The following CDH4 variants were observed in gnomAD, a reference collection of about 807,000 sequenced individuals.
CDH4 encodes cadherin-4.
A neutral mutation model predicts 86.0 loss-of-function variants in CDH4; 33 were observed. That is an observed-to-expected ratio of 0.38 (90% CI 0.29 to 0.51). The LOEUF (loss-of-function observed/expected upper bound fraction) is 0.51, where lower values mean the gene tolerates loss of function less well. Among genes scored for constraint, CDH4 ranks in the 20% least tolerant of loss-of-function variants. The pLI is 0.86. For missense variants in CDH4, 1,114 were observed against 1,307.4 expected (o/e 0.85, Z 2.28); for synonymous variants, 555 against 549.4 (o/e 1.01, Z -0.14).
At chr20:61,777,610 G>T (rs1568809728) in intron 4 of CDH4, among the ~76,000 whole-genome samples, 1 of 151,928 alleles carries the variant, frequency 6.6e-6, no homozygotes, top group Non-Finnish European at 1.5e-5. Flanking sequence ...ACATCCACAT[G>T]CGCACACACG....
intron 2 of CDH4, among the ~76,000 whole-genome samples, chr20:61,423,753 T>C (rs1368629057): frequency 6.6e-6 from 1 of 152,160 alleles, no homozygotes; most frequent in African/African-American, 2.4e-5. Flanking sequence ...CCTCAGGTCC[T>C]AATGAAAGGC....
intron 4 of CDH4, among the ~76,000 whole-genome samples, chr20:61,783,051 C>T (rs7273262): frequency 0.026 from 3,907 of 152,288 alleles, 166 homozygotes; most frequent in African/African-American, 0.088. Context: ...TGCCACTGTA[C>T]TCCAGTCTGG....
At chr20:61,457,390 A>G (rs1179826759) in intron 2 of CDH4, among the ~76,000 whole-genome samples, 1 of 152,236 alleles carries the variant, frequency 6.6e-6, no homozygotes, top group East Asian at 1.9e-4. Context: ...AGATGTGAAC[A>G]GGATATAGAG....
At chr20:61,324,339 G>A (rs80212015) in intron 2 of CDH4, among the ~76,000 whole-genome samples, 1 of 152,128 alleles carries the variant, frequency 6.6e-6, no homozygotes, top group Admixed American at 6.6e-5. Context: ...AAACTGGGGG[G>A]GCTTAAAACA....
Position 61,703,045 on chromosome 20 carries a change from G to C in CDH4, c.170-40518G>C, listed in dbSNP as rs2087793177. ...CTCTGCGTGCCGTGGTCAGTGCCAT[G>C]TTTTCGGGTAGAGCAATGAACATAA... On this transcript the variant is annotated intron_variant, in intron 2 of 15. Coordinates refer to ENST00000614565, the MANE Select transcript of CDH4 (RefSeq NM_001794.5). The surrounding 1 kb of genome is among the most constrained non-coding windows in gnomAD (Gnocchi z 4.3). Among the ~76,000 whole-genome samples, 2 of 152,216 alleles carry C rather than the reference G, an allele frequency of 1.3e-5. No individual in the cohort carries two copies. Among genetic ancestry groups the C allele is most frequent in the Admixed American group, 1.3e-4 (2 of 15,290 alleles).
chr20:61,900,919 C>A (rs568178778), intron 8 of CDH4, among the ~76,000 whole-genome samples: 1 of 152,338 alleles, frequency 6.6e-6, no homozygotes, highest in East Asian at 1.9e-4. Context: ...CAAAGAAAGA[C>A]CAATGAGTAA....
rs189504690 is a variant in CDH4, at chr20:61,882,731, G to A, written c.1050+8831G>A. 2.4e-4 allele frequency among the ~76,000 whole-genome samples: 36 copies of A among 152,338 alleles called. No homozygotes were observed. In the East Asian group the frequency reaches 3.9e-3, roughly 16 times the overall value. On this transcript the variant is annotated intron_variant, in intron 7 of 15. Coordinates refer to ENST00000614565, the MANE Select transcript of CDH4 (RefSeq NM_001794.5). ...AAATGAAAGACAAAAAGGCCCGTGC[G>A]TCTCAGGAGAATGGGAGAGGGAACG... is the stretch of plus-strand genomic sequence containing the variant.
intron 4 of CDH4, among the ~76,000 whole-genome samples, chr20:61,804,482 G>A (rs925490453): frequency 6.6e-6 from 1 of 152,198 alleles, no homozygotes; most frequent in African/African-American, 2.4e-5. Flanking sequence ...ACACCCGGGG[G>A]GCAGCTCTGC....
chr20:61,267,378 T>A (rs2084162863), intron 2 of CDH4, among the ~76,000 whole-genome samples: 1 of 152,136 alleles, frequency 6.6e-6, no homozygotes, highest in African/African-American at 2.4e-5. Context: ...AGGGGCTGCA[T>A]CCCTTGAGAG....
intron 3 of CDH4, among the ~76,000 whole-genome samples, chr20:61,746,630 C>T (rs2088418021): frequency 6.6e-6 from 1 of 152,254 alleles, no homozygotes; most frequent in Non-Finnish European, 1.5e-5. Flanking sequence ...CTGCGACTTA[C>T]TGGCTGGGTG....
At chr20:61,680,996 C>A (rs1403023436) in intron 2 of CDH4, among the ~76,000 whole-genome samples, 1 of 152,194 alleles carries the variant, frequency 6.6e-6, no homozygotes, top group Admixed American at 6.5e-5. Flanking sequence ...TGTTCCCTCC[C>A]TTTCCACCCA....
chr20:61,571,020 G>T (rs553630408), intron 2 of CDH4, among the ~76,000 whole-genome samples: 15 of 152,308 alleles, frequency 9.8e-5, no homozygotes, highest in Admixed American at 2.0e-4. Context: ...GAGTGTGGTG[G>T]ATACCTAGCT....
chr20:61,402,729 G>C (rs550569356), intron 2 of CDH4, among the ~76,000 whole-genome samples: 1 of 152,224 alleles, frequency 6.6e-6, no homozygotes, highest in East Asian at 1.9e-4. Flanking sequence ...ATCAGCAGTC[G>C]GTTGAATCCA....
intron 4 of CDH4, among the ~76,000 whole-genome samples, chr20:61,819,130 A>G (rs532790921): frequency 1.3e-5 from 2 of 152,234 alleles, no homozygotes; most frequent in East Asian, 3.9e-4. Flanking sequence ...CCCATCCTTG[A>G]GCTCTGGGGT....
At chr20:61,297,823 G>A (rs771404583) in intron 2 of CDH4, among the ~76,000 whole-genome samples, 1 of 152,224 alleles carries the variant, frequency 6.6e-6, no homozygotes, top group African/African-American at 2.4e-5. Flanking sequence ...ATGAGCAGGC[G>A]CCCTTGGCTG....
intron 4 of CDH4, among the ~76,000 whole-genome samples, chr20:61,808,875 G>A (rs758939619): frequency 1.7e-4 from 26 of 152,180 alleles, no homozygotes; most frequent in Admixed American, 5.9e-4. Context: ...AACTACAGAC[G>A]TTGATTTTCG....
At chr20:61,830,105 C>G (rs1447764832) in intron 4 of CDH4, among the ~76,000 whole-genome samples, 4 of 149,552 alleles carry the variant, frequency 2.7e-5, no homozygotes, top group African/African-American at 9.9e-5. Flanking sequence ...AGTTCTACCC[C>G]CATGCCCCAC....
chr20:61,503,204 C>A (rs1007320952), intron 2 of CDH4, among the ~76,000 whole-genome samples: 1 of 152,098 alleles, frequency 6.6e-6, no homozygotes. Flanking sequence ...TATACGTGAT[C>A]AGGGCGAGGT....
At chr20:61,630,305 G>A (rs1471860895) in intron 2 of CDH4, among the ~76,000 whole-genome samples, 1 of 152,194 alleles carries the variant, frequency 6.6e-6, no homozygotes, top group Non-Finnish European at 1.5e-5. Context: ...AGTAGGACTT[G>A]GGCTTGAAGA....
Sources: allele counts gnomAD v4.1 joint callset (sites outside exome capture counted in the v4.1 genomes callset), GRCh38; gene constraint gnomAD v4.1.1; non-coding constraint Gnocchi (gnomAD v3.1); transcripts MANE v1.5; gene names NCBI Gene and HGNC (gene_info 2026-07-23, HGNC 2026-07-21).